Variants in OBSL1 observed in about 807,000 individuals in gnomAD.
OBSL1 encodes obscurin like cytoskeletal adaptor 1, also known as obscurin-like protein 1.
OBSL1 carries 160 observed loss-of-function variants against 172.0 expected under a neutral mutation model. That is an observed-to-expected ratio of 0.93 (90% CI 0.82 to 1.06). The LOEUF is 1.06. OBSL1 is among the 50% of genes least tolerant of loss of function. The probability of loss-of-function intolerance (pLI) is 0.00; values close to 1 mark genes in which losing one functional copy is unlikely to be tolerated. For synonymous variants in OBSL1, 1,200 were observed against 1,196.3 expected (o/e 1.00, Z -0.06); for missense variants, 2,681 against 2,715.4 (o/e 0.99, Z 0.28).
chr2:219,556,555 G>C lies in OBSL1; in HGVS notation c.4235C>G (p.Ser1412Ter). 2.5e-6 allele frequency: 4 copies of C among 1,613,870 alleles called. No homozygotes were observed. The highest frequency in any genetic ancestry group is 2.5e-6 in the Non-Finnish European group (3 of 1,179,884). ...GPQVEMAQNGSSRILTLRGCQ... is the reference protein window; with the variant it reads ...GPQVEMAQNG The stretch of plus-strand genomic sequence containing the variant: ...GCCTCGCAAGGTTAAGATGCGGCTT[G>C]AACCATTCTGGGCCATCTCCACCTG... Residue 1412 changes from serine to a stop codon, truncating the protein, a stop_gained, in exon 13 of 21, where the codon TCA becomes TGA. Transcript: ENST00000404537. LOFTEE classifies it high-confidence loss of function.
chr2:219,552,325 T>C, intron 18 of OBSL1, 109 bp from the exon 19 acceptor site: 5 of 1,066,374 alleles, frequency 4.7e-6, no homozygotes, highest in Non-Finnish European at 6.9e-6. Flanking sequence ...CGTTAGTGTA[T>C]GCTAGGGTGG....
rs766580836 is a variant in OBSL1, at chr2:219,567,318, G to A, written c.1792C>T (p.His598Tyr). The change falls in exon 4 of 21, where the codon CAT becomes TAT. Residue 598 changes from histidine to tyrosine, a missense_variant. Around this residue, in one of 5 missense-constraint regions of OBSL1, gnomAD observed 53 missense variants for 85.5 expected, o/e 0.62. Transcript: ENST00000404537. ...YRFRICTVSGHGRSPHVVFHG... is the reference protein window; with the variant it reads ...YRFRICTVSGYGRSPHVVFHG... ...AACACCACGTGGGGACTACGGCCAT[G>A]TCCGCTGACTGTGCAGATGCGGAAG... The A allele has an allele frequency of 3.7e-6, 6 of 1,607,020 alleles. No individual in the cohort carries two copies. In the East Asian group the frequency reaches 9.0e-5, roughly 24 times the overall value.
chr2:219,563,318 C>T, intron 7 of OBSL1, 37 bp downstream of exon 7: 1 of 1,521,080 alleles, frequency 6.6e-7, no homozygotes, highest in East Asian at 2.3e-5. Context: ...GCAGGGGCAC[C>T]TTCCCCTGTG....
In OBSL1 at chr2:219,571,307, G is replaced by T; in HGVS notation, c.-75C>A. ...GTGCGGAGGGCGAGCCGAGGCCCGG[G>T]GCGGCGGGGTCGGGGCGCGGCTGGG... On this transcript the variant is annotated 5_prime_UTR_variant, in exon 1 of 21. Transcript: ENST00000404537. 1 of 967,364 alleles carries T rather than the reference G, an allele frequency of 1.0e-6. No homozygotes were observed. The highest frequency in any genetic ancestry group is 4.4e-5 in the Admixed American group (1 of 22,652). The allele number at this position is 967,364 out of a possible 1,614,324, so 59.9% of individuals were successfully genotyped here. A position where few individuals can be genotyped will look rare whatever the true frequency, so the allele number is the denominator to read the frequency against.
At position 219,570,309 on chromosome 2, in the gene OBSL1, G is replaced by C; in HGVS notation, c.924C>G (p.Tyr308Ter). ...RDGGFVLKVL[Y>*]CQAKDRGLYV... ...AGAGCCCACGATCCTTGGCCTGGCA[G>C]TAAAGCACCTTGAGCACGAAGCCGC... The change falls in exon 1 of 21, where the codon TAC (tyrosine) becomes TAG (stop). Residue 308 changes from tyrosine to a stop codon, truncating the protein, a stop_gained. Transcript: ENST00000404537. LOFTEE classifies it high-confidence loss of function. The C allele has an allele frequency of 6.2e-7, 1 of 1,611,564 alleles. No homozygotes were observed. The highest frequency in any genetic ancestry group is 8.5e-7 in the Non-Finnish European group (1 of 1,178,582).
At chr2:219,562,754 C>A (rs1349833962) in intron 7 of OBSL1, 80 bp from the exon 8 acceptor site, 7 of 1,441,514 alleles carry the variant, frequency 4.9e-6, no homozygotes, top group Non-Finnish European at 2.8e-6. Flanking sequence ...TTCCCTACCC[C>A]TGGAAAGTAG....
At position 219,554,675 on chromosome 2, in the gene OBSL1, A is replaced by T; in HGVS notation, c.4675T>A (p.Phe1559Ile). 3.1e-6 allele frequency: 5 copies of T among 1,597,750 alleles called. No individual in the cohort carries two copies. The highest frequency in any genetic ancestry group is 4.3e-6 in the Non-Finnish European group (5 of 1,172,106). ...CCTTCCTGGGACAGCTCCAGCTGGA[A>T]GGTGGCACTGCCCCCCTCACTGATG... is the stretch of plus-strand genomic sequence containing the variant. ...VTISEGGSAT[F>I]QLELSQEGVT... Residue 1559 changes from phenylalanine (F) to isoleucine (I), a missense_variant, in exon 15 of 21, where the codon TTC (phenylalanine) becomes ATC (isoleucine). Coordinates refer to ENST00000404537, the MANE Select transcript of OBSL1 (RefSeq NM_015311.3).
Position 219,554,476 on chromosome 2 carries a change from C to G in OBSL1, c.4874G>C (p.Arg1625Thr). ...SLRCAARLIV[R>T]EVPVTIVRGP... The stretch of plus-strand genomic sequence containing the variant: ...GGCTGTGGTCCTGGAGGCCACACCT[C>G]TCACAATGAGTCTGGCTGCGCAGCG... Residue 1625 changes from arginine (R) to threonine (T), a missense_variant and splice_region_variant, in exon 15 of 21, where the codon AGA becomes ACA. Physicochemically the swap from Arg to Thr is moderately conservative, Grantham distance 71. This residue lies in a region of OBSL1 where 1,765 missense variants were observed against 1,748.3 expected (regional missense o/e 1.01). Transcript: ENST00000404537. The G allele has an allele frequency of 6.2e-7, 1 of 1,612,862 alleles. No individual in the cohort carries two copies. The highest frequency in any genetic ancestry group is 8.5e-7 in the Non-Finnish European group (1 of 1,179,632).
intron 9 of OBSL1, 198 bp downstream of exon 9, chr2:219,559,027 G>A (rs1696255854): frequency 1.1e-5 from 6 of 564,132 alleles, no homozygotes; most frequent in Non-Finnish European, 1.9e-5. Context: ...ATGAACGAAT[G>A]GTTCTAATTG....
Position 219,558,105 on chromosome 2 carries a change from G to A in OBSL1, c.3508C>T (p.Pro1170Ser), listed in dbSNP as rs758709787. The A allele has an allele frequency of 1.9e-6, 3 of 1,613,424 alleles. No homozygotes were observed. Among genetic ancestry groups the A allele is most frequent in the African/African-American group, 2.7e-5 (2 of 75,052 alleles). ...GTCTCTAGAGCAAGGAACTGCACTG[G>A]AGGCTCTGGAGAAGAGAGGAAGGTG... is the stretch of plus-strand genomic sequence containing the variant. ...ITFNVILAEPPVQFLALETTP... is the reference protein window; with the variant it reads ...ITFNVILAEPSVQFLALETTP... Residue 1170 changes from proline to serine, a missense_variant, in exon 11 of 21, where the codon CCA becomes TCA. Around this residue, in one of 5 missense-constraint regions of OBSL1, gnomAD observed 1,765 missense variants for 1,748.3 expected, o/e 1.01. Transcript: ENST00000404537.
At position 219,568,803 on chromosome 2, in the gene OBSL1, C is replaced by T. The variant is rs1184896169; in HGVS notation, c.1013-479G>A. Among the ~76,000 whole-genome samples, 2 of 151,098 alleles carry T rather than the reference C, an allele frequency of 1.3e-5. No individual in the cohort carries two copies. Among genetic ancestry groups the T allele is most frequent in the Non-Finnish European group, 2.9e-5 (2 of 67,820 alleles). The stretch of plus-strand genomic sequence containing the variant: ...TCTGTTGCCCAGGCTGGAGTGCAGT[C>T]GCGCAATCTCGGCTCACTGCAACCT... On this transcript the variant is annotated intron_variant, in intron 1 of 20. Transcript: ENST00000404537. This position sits in a 1 kb window ranked among gnomAD's most constrained non-coding sequence, Gnocchi z 4.1.
In OBSL1 at chr2:219,552,124, G is replaced by A; in HGVS notation, c.5401C>T (p.Leu1801=). 6.2e-7 allele frequency: 1 copy of A among 1,610,282 alleles called. No homozygotes were observed. Among genetic ancestry groups the A allele is most frequent in the Non-Finnish European group, 8.5e-7 (1 of 1,178,680 alleles). ...QAGPAQSLAL[L]EVEALPLQMC... is the part of the protein sequence containing the mutation. ...CCCAGGTGCTTACCCTCCACTTCCA[G>A]TAGAGCCAGGGACTGGGCGGGCCCC... is the stretch of plus-strand genomic sequence containing the variant. The change falls in exon 19 of 21, where the codon CTG becomes TTG. Residue 1801 remains leucine (L), a synonymous_variant. Transcript: ENST00000404537.
At chr2:219,555,701 A>G in intron 14 of OBSL1, 2 of 1,156,542 alleles carry the variant, frequency 1.7e-6, no homozygotes, top group South Asian at 3.3e-5. Flanking sequence ...CATCCCTGCT[A>G]CTTAAGTGGG....
Position 219,553,565 on chromosome 2 carries a change from G to A in OBSL1, c.4989+9C>T, listed in dbSNP as rs1171453226. The A allele has an allele frequency of 6.2e-7, 1 of 1,605,870 alleles. No homozygotes were observed. The highest frequency in any genetic ancestry group is 2.2e-5 in the East Asian group (1 of 44,778). On this transcript the variant is annotated intron_variant, in intron 16 of 20. Coordinates refer to ENST00000404537, the MANE Select transcript of OBSL1 (RefSeq NM_015311.3). ...ACTGAAGTGGGCTTGGCTGGGGCTG[G>A]GATCTGACCTTCTCCCAGGTAACAT...
rs957366621 is a variant in OBSL1, at chr2:219,568,397, C to T, written c.1013-73G>A. 8.7e-6 allele frequency: 12 copies of T among 1,378,666 alleles called. No individual in the cohort carries two copies. The highest frequency in any genetic ancestry group is 2.5e-5 in the East Asian group (1 of 40,574). The allele number at this position is 1,378,666 out of a possible 1,614,324, so 85.4% of individuals were successfully genotyped here. A position where few individuals can be genotyped will look rare whatever the true frequency, so the allele number is the denominator to read the frequency against. On this transcript the variant is annotated intron_variant, in intron 1 of 20. Coordinates refer to ENST00000404537, the MANE Select transcript of OBSL1 (RefSeq NM_015311.3). The surrounding 1 kb of genome is among the most constrained non-coding windows in gnomAD (Gnocchi z 4.1). ...AGACTAGGAGTAGGATACCTAGAAG[C>T]GCATTAGCTCATGCTGTGTGCTCTT...
Position 219,565,256 on chromosome 2 carries a change from C to A in OBSL1, c.2393G>T (p.Gly798Val). ...TGCTTCCTGACCTTGGACAGTGACGCCGAAGAAGGCCGAGACCCCTTCTGT... is the reference window on the plus strand; with the variant it reads ...TGCTTCCTGACCTTGGACAGTGACGACGAAGAAGGCCGAGACCCCTTCTGT... ...CRTEGVSAFF[G>V]VTVQDPPVHI... Residue 798 changes from glycine to valine, a missense_variant, in exon 6 of 21, where the codon GGC becomes GTC. By Grantham distance (109) the Gly-to-Val change is moderately radical. Around this residue, in one of 5 missense-constraint regions of OBSL1, gnomAD observed 1,765 missense variants for 1,748.3 expected, o/e 1.01. Transcript: ENST00000404537. 1 of 1,610,474 alleles carries A rather than the reference C, an allele frequency of 6.2e-7. No individual in the cohort carries two copies. The highest frequency in any genetic ancestry group is 8.5e-7 in the Non-Finnish European group (1 of 1,177,514).
In OBSL1 at chr2:219,551,582, G is replaced by C; in HGVS notation, c.5630C>G (p.Thr1877Ser). Residue 1877 changes from threonine to serine, a missense_variant, in exon 20 of 21, where the codon ACT (threonine) becomes AGT (serine). Transcript: ENST00000404537. ...IHDVRPEDQG[T>S]YCCQAGQDST... ...GTCCTGGCCGGCCTGGCAGCAGTAA[G>C]TGCCTTGGTCCTCAGGTCGAACGTC... 2 of 1,607,628 alleles carry C rather than the reference G, an allele frequency of 1.2e-6. No individual in the cohort carries two copies. Among genetic ancestry groups the C allele is most frequent in the South Asian group, 2.2e-5 (2 of 89,692 alleles).
rs200174777 is a variant in OBSL1 at position 219,554,567 on chromosome 2, G to C, written c.4783C>G (p.Arg1595Gly). 1.7e-5 allele frequency: 28 copies of C among 1,613,454 alleles called. No homozygotes were observed. The highest frequency in any genetic ancestry group is 5.3e-5 in the African/African-American group (4 of 75,056). ...AGGCCCAGGCCATTGAGTACCAGTC[G>C]GTGACGGTGGCCGTCCGAGTGGATG... ...CHIHSDGHRH[R>G]LVLNGLGLAD... The change falls in exon 15 of 21, where the codon CGA becomes GGA. Residue 1595 changes from arginine (R) to glycine (G), a missense_variant. Arg to Gly is a moderately radical substitution (Grantham distance 125). This residue lies in a region of OBSL1 where 1,765 missense variants were observed against 1,748.3 expected (regional missense o/e 1.01). Coordinates refer to ENST00000404537, the MANE Select transcript of OBSL1 (RefSeq NM_015311.3).
chr2:219,559,793 A>C (rs1357915147), intron 8 of OBSL1, among the ~76,000 whole-genome samples: 1 of 152,130 alleles, frequency 6.6e-6, no homozygotes, highest in Non-Finnish European at 1.5e-5. Context: ...GTGGTATAAC[A>C]CATACTACAT....
Sources: gnomAD v4.1 joint callset for allele counts (sites outside exome capture counted in the v4.1 genomes callset) on GRCh38, gnomAD v4.1.1 for gene constraint, gnomAD v4.1.1 regional missense constraint, Gnocchi (gnomAD v3.1) non-coding constraint, MANE v1.5 for transcripts, NCBI Gene and HGNC (gene_info 2026-07-23, HGNC 2026-07-21) for gene names.